Variants in CTNNA2 observed in about 807,000 individuals in gnomAD.
CTNNA2 encodes the protein catenin alpha-2.
CTNNA2 carries 42 observed loss-of-function variants against 101.0 expected under a neutral mutation model. The observed-to-expected ratio is 0.42, with a 90% CI of 0.32 to 0.54. CTNNA2 has a LOEUF of 0.54. Among genes scored for constraint, CTNNA2 ranks in the 20% least tolerant of loss-of-function variants. The probability of loss-of-function intolerance (pLI) is 0.14; values close to 1 mark genes in which losing one functional copy is unlikely to be tolerated. For synonymous variants in CTNNA2, 450 were observed against 456.4 expected (o/e 0.99, Z 0.18); for missense variants, 871 against 1,223.1 (o/e 0.71, Z 4.29).
At chr2:79,186,108 A>G (rs368964969) in intron 1 of CTNNA2, among the ~76,000 whole-genome samples, 1 of 152,166 alleles carries the variant, frequency 6.6e-6, no homozygotes, top group African/African-American at 2.4e-5. Context: ...AGCTGTTTAG[A>G]CTAAGGCTAG....
intron 4 of CTNNA2, among the ~76,000 whole-genome samples, chr2:79,389,882 A>G (rs1678153313): frequency 6.6e-6 from 1 of 152,188 alleles, no homozygotes. Context: ...ACACAATTAT[A>G]TCATCAACTG....
intron 4 of CTNNA2, among the ~76,000 whole-genome samples, chr2:79,479,377 G>A (rs757784682): frequency 3.9e-5 from 6 of 152,248 alleles, no homozygotes; most frequent in South Asian, 4.1e-4. Flanking sequence ...CATTTAAGAC[G>A]TTTTAAAGTA....
intron 7 of CTNNA2, among the ~76,000 whole-genome samples, chr2:80,200,315 A>T (rs751447345): frequency 3.9e-5 from 6 of 152,176 alleles, no homozygotes; most frequent in Non-Finnish European, 8.8e-5. Context: ...CTTAAAGTTC[A>T]TGAGGCCCGG....
intron 2 of CTNNA2, among the ~76,000 whole-genome samples, chr2:79,699,681 G>A (rs1475687261): frequency 6.6e-6 from 1 of 150,728 alleles, no homozygotes; most frequent in Non-Finnish European, 1.5e-5. Flanking sequence ...GGACCTTTTT[G>A]GGGGGATCTT....
At chr2:79,561,240 TA>T (rs1176684537) in intron 1 of CTNNA2, among the ~76,000 whole-genome samples, 1 of 151,944 alleles carries the variant, frequency 6.6e-6, no homozygotes, top group East Asian at 1.9e-4. Flanking sequence ...ATCAATGTTG[TA>T]GCATTTATAA....
chr2:80,077,012 C>CTCCA (rs921186229), intron 7 of CTNNA2, among the ~76,000 whole-genome samples: 1 of 152,238 alleles, frequency 6.6e-6, no homozygotes, highest in African/African-American at 2.4e-5. Flanking sequence ...CGCCACTGTA[C>CTCCA]TCCAGTCTGA....
intron 7 of CTNNA2, among the ~76,000 whole-genome samples, chr2:80,383,302 A>G (rs1046935006): frequency 1.3e-5 from 2 of 152,180 alleles, no homozygotes; most frequent in African/African-American, 4.8e-5. Context: ...TTTCCAAATC[A>G]TCTATCCCTT....
rs1685589112 is a variant in CTNNA2 at position 79,908,733 on chromosome 2, G to T, written c.853-861G>T. ...GGGTCTTCTCTGGCCTGCTCTTCTG[G>T]CTCTATTCACTTTACTAGTATGTAA... On this transcript the variant is annotated intron_variant, in intron 6 of 18. Coordinates refer to ENST00000402739, the MANE Select transcript of CTNNA2 (RefSeq NM_001282597.3). Among the ~76,000 whole-genome samples, 2 of 151,924 alleles carry T rather than the reference G, an allele frequency of 1.3e-5. 1 individual carries two copies. The highest frequency in any genetic ancestry group is 3.9e-4 in the East Asian group (2 of 5,188).
At chr2:80,292,318 G>A (rs767653106) in intron 7 of CTNNA2, among the ~76,000 whole-genome samples, 4 of 152,218 alleles carry the variant, frequency 2.6e-5, no homozygotes, top group Non-Finnish European at 4.4e-5. Flanking sequence ...GATCAGAAAG[G>A]TTAATTGCCT....
chr2:80,261,573 A>AC (rs1378760360), intron 7 of CTNNA2, among the ~76,000 whole-genome samples: 2 of 151,982 alleles, frequency 1.3e-5, no homozygotes, highest in Admixed American at 6.6e-5. Flanking sequence ...CTGAAATGGG[A>AC]CCCCGTAGGG....
intron 7 of CTNNA2, chr2:80,162,883 C>A: frequency 6.3e-7 from 1 of 1,590,026 alleles, no homozygotes; most frequent in South Asian, 1.1e-5. Context: ...GTCATGTTAT[C>A]CCTAGTCCTT....
At chr2:80,603,932 A>G (rs1697774265) in intron 15 of CTNNA2, 142 bp from the exon 16 acceptor site, 1 of 588,710 alleles carries the variant, frequency 1.7e-6, no homozygotes, top group African/African-American at 1.9e-5. Context: ...ACTGGAGTTA[A>G]GCAGGAAAAT....
chr2:79,398,767 CA>C (rs1226488275), intron 4 of CTNNA2, among the ~76,000 whole-genome samples: 14 of 145,650 alleles, frequency 9.6e-5, no homozygotes, highest in East Asian at 2.0e-4. Flanking sequence ...AAAAAAACCT[CA>C]AAAAAAAACC....
intron 2 of CTNNA2, among the ~76,000 whole-genome samples, chr2:79,691,659 A>C (rs183897800): frequency 7.2e-5 from 11 of 152,284 alleles, no homozygotes; most frequent in Admixed American, 5.2e-4. Context: ...ACAGCATGGT[A>C]CTGGTACCCA....
intron 3 of CTNNA2, among the ~76,000 whole-genome samples, chr2:79,789,732 G>A (rs1236790522): frequency 6.6e-6 from 1 of 152,076 alleles, no homozygotes; most frequent in African/African-American, 2.4e-5. Context: ...GGAAGTGGAA[G>A]GAAAATTGGG....
At chr2:79,322,356 A>G (rs1224389976) in intron 3 of CTNNA2, among the ~76,000 whole-genome samples, 2 of 152,152 alleles carry the variant, frequency 1.3e-5, no homozygotes, top group African/African-American at 2.4e-5. Flanking sequence ...CATTATCTAG[A>G]TATCTTTAAT....
At chr2:80,599,969 A>G (rs1204497581) in intron 15 of CTNNA2, among the ~76,000 whole-genome samples, 1 of 143,854 alleles carries the variant, frequency 7.0e-6, no homozygotes, top group Non-Finnish European at 1.5e-5. Context: ...TATTTAGACA[A>G]TAGAATTTGG....
At chr2:80,010,117 C>G (rs939095831) in intron 7 of CTNNA2, among the ~76,000 whole-genome samples, 8 of 152,056 alleles carry the variant, frequency 5.3e-5, no homozygotes, top group African/African-American at 1.9e-4. Context: ...AGCTCCCTAC[C>G]CCTTCTCATC....
At chr2:79,922,671 A>G (rs1302816032) in intron 7 of CTNNA2, among the ~76,000 whole-genome samples, 1 of 143,000 alleles carries the variant, frequency 7.0e-6, no homozygotes, top group Non-Finnish European at 1.5e-5. Context: ...TTCTTTCAAG[A>G]TTCTGGAAGG....
Sources: gnomAD v4.1 joint callset for allele counts (sites outside exome capture counted in the v4.1 genomes callset) on GRCh38, gnomAD v4.1.1 for gene constraint, MANE v1.5 for transcripts, NCBI Gene and HGNC (gene_info 2026-07-23, HGNC 2026-07-21) for gene names.